MKLN1: variants seen among roughly 807,000 people sequenced by gnomAD.
MKLN1 encodes the protein muskelin 1, also known as muskelin.
Under a neutral mutation model 99.0 loss-of-function variants are expected in MKLN1, and 18 were observed. That is an observed-to-expected ratio of 0.18 (90% CI 0.13 to 0.27). The LOEUF is 0.27. Among genes scored for constraint, MKLN1 ranks in the 10% least tolerant of loss-of-function variants. The pLI, the probability that MKLN1 is intolerant of heterozygous loss-of-function variation, is 1.00. For synonymous variants in MKLN1, 288 were observed against 293.2 expected, an observed-to-expected ratio of 0.98 and a Z score of 0.18; for missense variants, 621 against 875.9, an observed-to-expected ratio of 0.71 and a Z score of 3.67.
chr7:131,150,959 A>G (rs1795880290), intron 2 of MKLN1, among the ~76,000 whole-genome samples: 1 of 152,170 alleles, frequency 6.6e-6, no homozygotes, highest in African/African-American at 2.4e-5. Context: ...TATAAAATAG[A>G]CTTGTTTTTG....
At chr7:131,233,379 A>AATAAATAT in intron 3 of MKLN1, among the ~76,000 whole-genome samples, 1 of 123,340 alleles carries the variant, frequency 8.1e-6, no homozygotes, top group South Asian at 2.2e-4. Context: ...CCAAAAAATA[A>AATAAATAT]ATAAATAAAT....
At chr7:131,436,315 T>G (rs929423716) in intron 9 of MKLN1, among the ~76,000 whole-genome samples, 2 of 152,188 alleles carry the variant, frequency 1.3e-5, no homozygotes, top group Non-Finnish European at 2.9e-5. Context: ...CACCAGTAGT[T>G]CTTTATTGCC....
At chr7:131,419,883 T>C (rs1795139886) in intron 8 of MKLN1, among the ~76,000 whole-genome samples, 1 of 152,146 alleles carries the variant, frequency 6.6e-6, no homozygotes, top group South Asian at 2.1e-4. Flanking sequence ...CAGAGTGAAG[T>C]GGGAAGCCAT....
At position 131,287,322 on chromosome 7, in the gene MKLN1, C is replaced by T. The variant is rs560087750; in HGVS notation, c.-179+84348C>T. ...ACAGAATTTTATTTTCTCACAGTTCCGGAGGACAGAAGTCTGAAATCAAGT... is the reference window on the plus strand; with the variant it reads ...ACAGAATTTTATTTTCTCACAGTTCTGGAGGACAGAAGTCTGAAATCAAGT... On this transcript the variant is annotated intron_variant, in intron 3 of 7. Transcript: ENST00000416992. Among the ~76,000 whole-genome samples the T allele has an allele frequency of 8.5e-5, 13 of 152,302 alleles. 1 individual carries two copies. In the South Asian group the frequency reaches 2.5e-3, roughly 29 times the overall value.
intron 9 of MKLN1, among the ~76,000 whole-genome samples, chr7:131,431,461 G>C (rs569441461): frequency 6.6e-6 from 1 of 152,148 alleles, no homozygotes. Context: ...TCATTCATTT[G>C]TCTAGGAGTC....
chr7:131,372,417 T>C (rs1239581093), intron 1 of MKLN1, among the ~76,000 whole-genome samples: 1 of 152,084 alleles, frequency 6.6e-6, no homozygotes, highest in Non-Finnish European at 1.5e-5. Context: ...AAAAAATTAC[T>C]TGTAATCTCC....
chr7:131,444,718 GAGTAGTAGTAGTAGTAGT>G (rs60571380), intron 11 of MKLN1, among the ~76,000 whole-genome samples: 14 of 128,748 alleles, frequency 1.1e-4, no homozygotes, highest in South Asian at 2.7e-4. Flanking sequence ...CCTGGGTTTT[GAGTAGTAGTAGTAGTAGT>G]AGTAGTAGTA....
intron 9 of MKLN1, among the ~76,000 whole-genome samples, chr7:131,434,977 C>A (rs1018655353): frequency 3.2e-4 from 49 of 152,256 alleles, no homozygotes; most frequent in African/African-American, 1.2e-3. Flanking sequence ...GGAGAGTGTT[C>A]AGTATGTCAT....
At chr7:131,438,996 G>A (rs566564146) in intron 10 of MKLN1, among the ~76,000 whole-genome samples, 61 of 152,230 alleles carry the variant, frequency 4.0e-4, no homozygotes, top group African/African-American at 1.4e-3. Context: ...GAGAGGAAGA[G>A]TGAGTTATGC....
chr7:131,128,346 A>T (rs1222192147), intron 1 of MKLN1, among the ~76,000 whole-genome samples: 1 of 152,192 alleles, frequency 6.6e-6, no homozygotes. Context: ...AGCTGAAAGT[A>T]GTGTAAGCAT....
At chr7:131,453,147 A>G (rs1402087487) in intron 12 of MKLN1, among the ~76,000 whole-genome samples, 2 of 152,206 alleles carry the variant, frequency 1.3e-5, no homozygotes, top group East Asian at 3.8e-4. Flanking sequence ...ACAAGCTTAC[A>G]AGAGTATTTT....
chr7:131,152,654 C>T (rs965409206), intron 2 of MKLN1, among the ~76,000 whole-genome samples: 5 of 151,932 alleles, frequency 3.3e-5, no homozygotes, highest in Admixed American at 6.6e-5. Context: ...CACGCTCCAC[C>T]ATGCTCGGCT....
intron 1 of MKLN1, among the ~76,000 whole-genome samples, chr7:131,345,341 A>G (rs1335546741): frequency 1.3e-5 from 2 of 152,202 alleles, no homozygotes; most frequent in Non-Finnish European, 2.9e-5. Flanking sequence ...TGAAGTCTGA[A>G]ATGCTCCCAT....
At chr7:131,122,892 C>G (rs537471198) in intron 1 of MKLN1, among the ~76,000 whole-genome samples, 19 of 151,756 alleles carry the variant, frequency 1.3e-4, no homozygotes, top group East Asian at 7.7e-4. Flanking sequence ...GTGTGGTGGC[C>G]CGCGCCTGTA....
At chr7:131,237,554 G>C (rs1563262724) in intron 3 of MKLN1, among the ~76,000 whole-genome samples, 1 of 152,138 alleles carries the variant, frequency 6.6e-6, no homozygotes, top group Non-Finnish European at 1.5e-5. Flanking sequence ...CAGGTGATAT[G>C]GCCACCTCAG....
At chr7:131,289,153 G>C (rs10954313) in intron 3 of MKLN1, among the ~76,000 whole-genome samples, 28,070 of 152,024 alleles carry the variant, frequency 0.18, 2,803 homozygotes, top group African/African-American at 0.27. Context: ...ACCATCTCAT[G>C]AGCATAGGTC....
intron 3 of MKLN1, among the ~76,000 whole-genome samples, chr7:131,272,711 T>C (rs1797904820): frequency 6.6e-6 from 1 of 152,178 alleles, no homozygotes; most frequent in Non-Finnish European, 1.5e-5. Flanking sequence ...AAGGCACTTC[T>C]TACATGGTGG....
At chr7:131,246,671 A>T (rs1797494860) in intron 3 of MKLN1, among the ~76,000 whole-genome samples, 1 of 149,898 alleles carries the variant, frequency 6.7e-6, no homozygotes, top group African/African-American at 2.5e-5. Context: ...AATTTTTTGT[A>T]GAGACGGGGT....
chr7:131,433,319 T>A (rs565032262), intron 9 of MKLN1, among the ~76,000 whole-genome samples: 6 of 152,288 alleles, frequency 3.9e-5, no homozygotes, highest in African/African-American at 1.4e-4. Context: ...AACCCATAGA[T>A]CACATTAGCA....
Sources: allele counts gnomAD v4.1 joint callset (sites outside exome capture counted in the v4.1 genomes callset), GRCh38; gene constraint gnomAD v4.1.1; transcripts MANE v1.5; gene names NCBI Gene and HGNC (gene_info 2026-07-23, HGNC 2026-07-21).